MED25: variants seen among roughly 807,000 people sequenced by gnomAD.
The protein encoded by MED25 is mediator complex subunit 25.
In MED25, 62 loss-of-function variants were observed where a neutral mutation model predicts 89.4. That is an observed-to-expected ratio of 0.69 (90% CI 0.57 to 0.86). The LOEUF (loss-of-function observed/expected upper bound fraction) is 0.86. MED25 is among the 40% of genes least tolerant of loss of function. MED25 has a pLI of 0.00. For missense variants in MED25, 905 were observed against 1,005.2 expected, an observed-to-expected ratio of 0.90 and a Z score of 1.35; for synonymous variants, 449 against 427.9, an observed-to-expected ratio of 1.05 and a Z score of -0.61.
At chr19:49,839,188 C>CA (rs1402460672), downstream of MED25, 2 of 195,380 alleles carry the variant, frequency 1.0e-5, no homozygotes, top group Admixed American at 1.1e-4. Flanking sequence ...GGCATGGTGC[C>CA]AAGGCAGGCC....
Position 49,828,467 on chromosome 19 carries a change from T to A in MED25, c.324T>A (p.Gly108=). 1.2e-6 allele frequency: 2 copies of A among 1,613,864 alleles called. No homozygotes were observed. Among genetic ancestry groups the A allele is most frequent in the Non-Finnish European group, 1.7e-6 (2 of 1,179,888 alleles). Residue 108 remains glycine, a synonymous_variant, in exon 4 of 18, where the codon GGT becomes GGA. Coordinates refer to ENST00000312865, the MANE Select transcript of MED25 (RefSeq NM_030973.4). ...LDGIKFMGGG[G]ESCSLIAEGL... ...CCTGCAGGTTCATGGGCGGGGGTGG[T>A]GAGAGCTGCAGCCTCATCGCGGAAG...
chr19:49,833,787 G>C (rs1304963080), intron 13 of MED25: 3 of 152,244 alleles, frequency 2.0e-5, no homozygotes, highest in African/African-American at 7.2e-5. Flanking sequence ...CACAGCCCTG[G>C]CTGTTGGCTG....
chr19:49,828,655 T>C (rs2123876243), intron 4 of MED25, 108 bp downstream of exon 4: 1 of 1,020,574 alleles, frequency 9.8e-7, no homozygotes, highest in Non-Finnish European at 1.5e-6. Context: ...GGGCATGGGC[T>C]CTGTGTCCCC....
At position 49,828,562 on chromosome 19, in the gene MED25, C is replaced by T; in HGVS notation, c.404+15C>T. 1 of 1,600,526 alleles carries T rather than the reference C, an allele frequency of 6.2e-7. No homozygotes were observed. Among genetic ancestry groups the T allele is most frequent in the African/African-American group, 1.3e-5 (1 of 74,748 alleles). Reference sequence around the variant, plus strand: ...CGCGAGCAGATGTGAGTGCCCCCTCCACCCAGGCCGGGCCGGTCTCTCTCT... The same window carrying T: ...CGCGAGCAGATGTGAGTGCCCCCTCTACCCAGGCCGGGCCGGTCTCTCTCT... On this transcript the variant is annotated intron_variant, in intron 4 of 17. Coordinates refer to ENST00000312865, the MANE Select transcript of MED25 (RefSeq NM_030973.4).
chr19:49,819,086 A>G, intron 2 of MED25, 86 bp from the exon 3 acceptor site: 4 of 1,516,524 alleles, frequency 2.6e-6, no homozygotes, highest in Middle Eastern at 1.8e-4. Flanking sequence ...TTCTGGAGGA[A>G]CGGGAAGCTG....
At chr19:49,821,837 A>AT (rs1381044729) in intron 3 of MED25, among the ~76,000 whole-genome samples, 1 of 140,764 alleles carries the variant, frequency 7.1e-6, no homozygotes. Flanking sequence ...AAAAAAAAAA[A>AT]TTTTGTAGTG....
intron 2 of MED25, 53 bp downstream of exon 2, chr19:49,818,669 C>T (rs2073957123): frequency 1.3e-6 from 2 of 1,551,184 alleles, no homozygotes; most frequent in South Asian, 1.1e-5. Flanking sequence ...GGCCTGGACT[C>T]CTGGGTCTGA....
chr19:49,829,996 C>T lies in MED25; in HGVS notation c.688+48C>T. Reference sequence around the variant, plus strand: ...GGGGATGGGGGCTCGACGTGTTTCCCCAGCTCCCTCTGACTTGGATTTTGG... The same window carrying T: ...GGGGATGGGGGCTCGACGTGTTTCCTCAGCTCCCTCTGACTTGGATTTTGG... On this transcript the variant is annotated intron_variant, in intron 6 of 17. Transcript: ENST00000312865. The surrounding 1 kb of genome is among the most constrained non-coding windows in gnomAD (Gnocchi z 4.6). The T allele has an allele frequency of 6.3e-7, 1 of 1,599,922 alleles. No individual in the cohort carries two copies.
intron 3 of MED25, among the ~76,000 whole-genome samples, chr19:49,823,533 C>T (rs911263215): frequency 1.3e-5 from 2 of 152,216 alleles, no homozygotes; most frequent in Middle Eastern, 3.4e-3. Context: ...CGTGTATCTC[C>T]GTGTTGTTAG....
chr19:49,822,409 GTGAC>G (rs2073989578), intron 3 of MED25, among the ~76,000 whole-genome samples: 2 of 151,942 alleles, frequency 1.3e-5, no homozygotes, highest in South Asian at 4.2e-4. Context: ...TCCAGCTTGG[GTGAC>G]TGACTGACTG....
Position 49,818,495 on chromosome 19 carries a change from C to G in MED25, c.134+20C>G. The G allele has an allele frequency of 2.5e-6, 4 of 1,614,236 alleles. No individual in the cohort carries two copies. Among genetic ancestry groups the G allele is most frequent in the Non-Finnish European group, 3.4e-6 (4 of 1,180,048 alleles). On this transcript the variant is annotated intron_variant, in intron 1 of 17. Coordinates refer to ENST00000312865, the MANE Select transcript of MED25 (RefSeq NM_030973.4). ...CATCGAGTGAGTGCTGTTTCCGCGA[C>G]TCTAACCCCGCCCTCCCACTTCAGT... is the stretch of plus-strand genomic sequence containing the variant.
chr19:49,825,765 AGGTAGT>A (rs1187057003), intron 3 of MED25, among the ~76,000 whole-genome samples: 1 of 151,696 alleles, frequency 6.6e-6, no homozygotes, highest in African/African-American at 2.4e-5. Flanking sequence ...CAGAAGTCGA[AGGTAGT>A]GGTGAGCTGA....
rs1481417754 is a variant in MED25 at position 49,834,767 on chromosome 19, CT to C, written c.1483-216del. 3 of 592,048 alleles carry C rather than the reference CT, an allele frequency of 5.1e-6. No homozygotes were observed. Among genetic ancestry groups the C allele is most frequent in the African/African-American group, 3.7e-5 (2 of 53,720 alleles). The allele number at this position is 592,048 out of a possible 1,614,324, so 36.7% of individuals were successfully genotyped here. A position where few individuals can be genotyped will look rare whatever the true frequency, so the allele number is the denominator to read the frequency against. Reference sequence around the variant, plus strand: ...GCTGGGCTCCAGCACTTTCTCTCCGCTTTCCCTCTCAGTGGGCAGCTGGAAC... The same window carrying C: ...GCTGGGCTCCAGCACTTTCTCTCCGCTTCCCTCTCAGTGGGCAGCTGGAAC... On this transcript the variant is annotated intron_variant, in intron 13 of 17. Coordinates refer to ENST00000312865, the MANE Select transcript of MED25 (RefSeq NM_030973.4). The surrounding 1 kb of genome is among the most constrained non-coding windows in gnomAD (Gnocchi z 4.1).
At chr19:49,838,601 G>T, downstream of MED25, 1 of 457,502 alleles carries the variant, frequency 2.2e-6, no homozygotes, top group Non-Finnish European at 4.4e-6. Flanking sequence ...AAGAGAGAAG[G>T]AGAGGGCCGT....
Position 49,832,146 on chromosome 19 carries a change from C to T in MED25, c.1363C>T (p.Gln455Ter). 2 of 1,612,832 alleles carry T rather than the reference C, an allele frequency of 1.2e-6. No homozygotes were observed. The highest frequency in any genetic ancestry group is 8.5e-7 in the Non-Finnish European group (1 of 1,180,002). The change falls in exon 12 of 18, where the codon CAG becomes TAG. Residue 455 changes from glutamine to a stop codon, truncating the protein, a stop_gained. Coordinates refer to ENST00000312865, the MANE Select transcript of MED25 (RefSeq NM_030973.4). LOFTEE classifies it high-confidence loss of function. ...GAAGCTGATCATGCAGCTCATCCCCCAGCAGCTGCTGGTGAGTGGCGGTGG... is the reference window on the plus strand; with the variant it reads ...GAAGCTGATCATGCAGCTCATCCCCTAGCAGCTGCTGGTGAGTGGCGGTGG... Reference protein sequence around the residue: ...PQKLIMQLIPQQLLTTLGPLF... With the variant: ...PQKLIMQLIP
rs751941181 is a variant in MED25 at position 49,818,665 on chromosome 19, G to A, written c.180+49G>A. On this transcript the variant is annotated intron_variant, in intron 2 of 17. Transcript: ENST00000312865. ...TGAGGGAGGAGGGGCCGGGGGCCTG[G>A]ACTCCTGGGTCTGAGGGAGGGAGAA... 5 of 1,558,086 alleles carry A rather than the reference G, an allele frequency of 3.2e-6. No individual in the cohort carries two copies. The South Asian group carries it at 5.6e-5, about 17-fold the overall frequency.
Position 49,818,850 on chromosome 19 carries a change from C to T in MED25, c.180+234C>T, listed in dbSNP as rs1433655962. On this transcript the variant is annotated intron_variant, in intron 2 of 17. Transcript: ENST00000312865. ...CCGAGGGAGGAGGGAGCTAGGGGCC[C>T]AGATCCCTGGGTCTGAGGGAGGAAG... 8.5e-6 allele frequency: 5 copies of T among 588,952 alleles called. No homozygotes were observed. In the African/African-American group the frequency reaches 1.0e-4, roughly 12 times the overall value. The allele number at this position is 588,952 out of a possible 1,614,324, so 36.5% of individuals were successfully genotyped here.
At chr19:49,832,234 C>T (rs2074063263) in intron 12 of MED25, 74 bp from the exon 13 acceptor site, 12 of 1,546,906 alleles carry the variant, frequency 7.8e-6, no homozygotes, top group Middle Eastern at 3.6e-4. Context: ...CCTGCCCCAC[C>T]CCCACTCCCT....
chr19:49,827,176 C>A (rs2074021272), intron 3 of MED25, among the ~76,000 whole-genome samples: 1 of 152,186 alleles, frequency 6.6e-6, no homozygotes, highest in Admixed American at 6.5e-5. Context: ...CAGCAAAGGT[C>A]AGCCTCTCAC....
Sources: gnomAD v4.1 joint callset for allele counts (sites outside exome capture counted in the v4.1 genomes callset) on GRCh38, gnomAD v4.1.1 for gene constraint, Gnocchi (gnomAD v3.1) non-coding constraint, MANE v1.5 for transcripts, NCBI Gene and HGNC (gene_info 2026-07-23, HGNC 2026-07-21) for gene names.